EIF2AK4: variants seen among roughly 807,000 people sequenced by gnomAD.
EIF2AK4 encodes the protein eukaryotic translation initiation factor 2 alpha kinase 4.
EIF2AK4 carries 139 observed loss-of-function variants against 211.1 expected under a neutral mutation model. The ratio of observed to expected loss-of-function variants is 0.66; its 90% CI spans 0.57 to 0.76. The LOEUF (loss-of-function observed/expected upper bound fraction) is 0.76. EIF2AK4 is among the 30% of genes least tolerant of loss of function. EIF2AK4 has a pLI of 0.00. For missense variants in EIF2AK4, 1,664 were observed against 2,043.8 expected (o/e 0.81, Z 3.58); for synonymous variants, 710 against 751.3 (o/e 0.94, Z 0.90).
At position 40,001,119 on chromosome 15, in the gene EIF2AK4, G is replaced by A. The variant is rs769648944; in HGVS notation, c.3054G>A (p.Thr1018=). The A allele has an allele frequency of 3.1e-6, 5 of 1,613,986 alleles. No individual in the cohort carries two copies. The highest frequency in any genetic ancestry group is 2.2e-5 in the East Asian group (1 of 44,896). ...AGCTGCATGAAGTGCTGCACCACACGCTGACCAACGTGGATGGGAAGGCCT... is the reference window on the plus strand; with the variant it reads ...AGCTGCATGAAGTGCTGCACCACACACTGACCAACGTGGATGGGAAGGCCT... ...ESELHEVLHH[T]LTNVDGKAYR... The change falls in exon 21 of 39, where the codon ACG becomes ACA. Residue 1018 remains threonine (T), a synonymous_variant. Coordinates refer to ENST00000263791, the MANE Select transcript of EIF2AK4 (RefSeq NM_001013703.4).
chr15:40,006,376 C>T (rs1042119288), intron 23 of EIF2AK4, among the ~76,000 whole-genome samples: 1 of 152,098 alleles, frequency 6.6e-6, no homozygotes, highest in African/African-American at 2.4e-5. Context: ...TTCTTATTCT[C>T]TAAATATTAG....
rs2034318078 is a variant in EIF2AK4 at position 39,951,673 on chromosome 15, T to C, written c.514-2231T>C. The stretch of plus-strand genomic sequence containing the variant: ...GGCCTGAAATGATCGGTTTCTTCAC[T>C]CCTCCAGTAGAAGGTGCAGTCTTGC... On this transcript the variant is annotated intron_variant, in intron 4 of 38. Coordinates refer to ENST00000263791, the MANE Select transcript of EIF2AK4 (RefSeq NM_001013703.4). 1.4e-5 allele frequency: 3 copies of C among 210,806 alleles called. No individual in the cohort carries two copies. In the South Asian group the frequency reaches 2.0e-4, roughly 14 times the overall value. The allele number at this position is 210,806 out of a possible 1,614,324, so 13.1% of individuals were successfully genotyped here. A position where few individuals can be genotyped will look rare whatever the true frequency, so the allele number is the denominator to read the frequency against.
chr15:39,936,354 C>T (rs1268297260), intron 1 of EIF2AK4, among the ~76,000 whole-genome samples: 1 of 152,204 alleles, frequency 6.6e-6, no homozygotes, highest in Admixed American at 6.5e-5. Context: ...AGTCATTCAA[C>T]AAGCACTTAT....
chr15:39,956,135 A>G (rs2034389187), intron 6 of EIF2AK4, among the ~76,000 whole-genome samples: 1 of 151,164 alleles, frequency 6.6e-6, no homozygotes, highest in African/African-American at 2.4e-5. Flanking sequence ...CCTCCCAAGT[A>G]GCTGGGACTA....
intron 15 of EIF2AK4, 81 bp from the exon 16 acceptor site, chr15:39,990,192 A>T: frequency 7.4e-7 from 1 of 1,345,890 alleles, no homozygotes; most frequent in Non-Finnish European, 1.1e-6. Flanking sequence ...TTTCATCGCT[A>T]GGTTGGCCTT....
chr15:39,996,823 C>A, intron 18 of EIF2AK4, 141 bp from the exon 19 acceptor site: 2 of 589,450 alleles, frequency 3.4e-6, no homozygotes, highest in Non-Finnish European at 6.1e-6. Context: ...TTTTTAAGAA[C>A]AAATCTTCGC....
At chr15:39,978,254 A>G (rs958927868) in intron 13 of EIF2AK4, 107 bp downstream of exon 13, 12 of 510,206 alleles carry the variant, frequency 2.4e-5, no homozygotes, top group Middle Eastern at 5.5e-4. Flanking sequence ...ATTCAGATAT[A>G]GAAACCATAA....
At chr15:39,939,750 C>G (rs2034118650) in intron 2 of EIF2AK4, 133 bp downstream of exon 2, 2 of 610,666 alleles carry the variant, frequency 3.3e-6, no homozygotes, top group African/African-American at 1.9e-5. Flanking sequence ...TCTATTTCAA[C>G]AAAACTACAT....
In EIF2AK4 at chr15:39,976,760, G is replaced by T; in HGVS notation, c.2165G>T (p.Arg722Leu). The change falls in exon 12 of 39, where the codon CGT (arginine) becomes CTT (leucine). Residue 722 changes from arginine (R) to leucine (L), a missense_variant. Transcript: ENST00000263791. ...TCGGGCGAGCGCTCGGCCAGTGCCCGTTTCCCCGCCACCGGCCCGGGCTCC... is the reference window on the plus strand; with the variant it reads ...TCGGGCGAGCGCTCGGCCAGTGCCCTTTTCCCCGCCACCGGCCCGGGCTCC... ...STSGERSASARFPATGPGSSD... is the reference protein window; with the variant it reads ...STSGERSASALFPATGPGSSD... 1 of 1,596,692 alleles carries T rather than the reference G, an allele frequency of 6.3e-7. No individual in the cohort carries two copies.
At position 39,976,013 on chromosome 15, in the gene EIF2AK4, G is replaced by A. The variant is rs61490790; in HGVS notation, c.1819-401G>A. 6.8e-3 allele frequency among the ~76,000 whole-genome samples: 1,035 copies of A among 152,036 alleles called. 10 individuals are homozygous for A. The highest frequency in any genetic ancestry group is 0.023 in the African/African-American group (946 of 41,462). ...TAATTTGTTTTTAGTGACTTTAAGTGTAAAAAAAAATCAGAGAGAAACTAA... is the reference window on the plus strand; with the variant it reads ...TAATTTGTTTTTAGTGACTTTAAGTATAAAAAAAAATCAGAGAGAAACTAA... On this transcript the variant is annotated intron_variant, in intron 11 of 38. Coordinates refer to ENST00000263791, the MANE Select transcript of EIF2AK4 (RefSeq NM_001013703.4).
intron 37 of EIF2AK4, 86 bp from the exon 38 acceptor site, chr15:40,034,240 A>C (rs1182239938): frequency 1.0e-6 from 1 of 973,284 alleles, no homozygotes; most frequent in Non-Finnish European, 1.6e-6. Context: ...GAGGGAAATG[A>C]CACTGGAATT....
Position 40,008,032 on chromosome 15 carries a change from G to T in EIF2AK4, c.3413G>T (p.Cys1138Phe), listed in dbSNP as rs764288512. The T allele has an allele frequency of 8.2e-6, 13 of 1,591,374 alleles. No homozygotes were observed. The highest frequency in any genetic ancestry group is 1.1e-5 in the Non-Finnish European group (13 of 1,170,168). Reference protein sequence around the residue: ...RNNILNLKRYCIERVFRPRKL... With the variant: ...RNNILNLKRYFIERVFRPRKL... The stretch of plus-strand genomic sequence containing the variant: ...ATCTGGGTTTCTCTCTCCAGATACT[G>T]CATAGAACGTGTGTTCAGGCCGCGC... Residue 1138 changes from cysteine to phenylalanine, a missense_variant, in exon 25 of 39, where the codon TGC becomes TTC. Around this residue, in one of 7 missense-constraint regions of EIF2AK4, gnomAD observed 622 missense variants for 796.8 expected, o/e 0.78. Coordinates refer to ENST00000263791, the MANE Select transcript of EIF2AK4 (RefSeq NM_001013703.4).
chr15:39,960,477 A>G (rs576179581), intron 6 of EIF2AK4, among the ~76,000 whole-genome samples: 3 of 152,254 alleles, frequency 2.0e-5, no homozygotes, highest in Admixed American at 2.0e-4. Context: ...GCCCCTAACC[A>G]AAATTAAAGA....
rs745642616 is a variant in EIF2AK4 at position 40,034,361 on chromosome 15, G to A, written c.4809G>A (p.Val1603=). 5.6e-6 allele frequency: 9 copies of A among 1,613,942 alleles called. No homozygotes were observed. In the South Asian group the frequency reaches 9.9e-5, roughly 18 times the overall value. Reference sequence around the variant, plus strand: ...ATGAACAGGCATTTAACACAACTGTGAAGCAGCTGCTGTCACGCCTGCCAA... The same window carrying A: ...ATGAACAGGCATTTAACACAACTGTAAAGCAGCTGCTGTCACGCCTGCCAA... ...DADEQAFNTT[V]KQLLSRLPKQ... is the part of the protein sequence containing the mutation. The change falls in exon 38 of 39, where the codon GTG becomes GTA. Residue 1603 remains valine (V), a synonymous_variant. Coordinates refer to ENST00000263791, the MANE Select transcript of EIF2AK4 (RefSeq NM_001013703.4).
intron 38 of EIF2AK4, 85 bp downstream of exon 38, chr15:40,034,529 G>A (rs976311285): frequency 2.4e-5 from 26 of 1,082,306 alleles, no homozygotes; most frequent in Non-Finnish European, 3.5e-5. Context: ...TTGTTGTCTT[G>A]TTGAGGTTTG....
Position 39,967,672 on chromosome 15 carries a change from G to A in EIF2AK4, c.1346G>A (p.Arg449His), listed in dbSNP as rs768791515. Residue 449 changes from arginine to histidine, a missense_variant, in exon 9 of 39, where the codon CGC (arginine) becomes CAC (histidine). Arg to His is a conservative substitution (Grantham distance 29). This residue lies in a region of EIF2AK4 where 641 missense variants were observed against 729.6 expected (regional missense o/e 0.88). Coordinates refer to ENST00000263791, the MANE Select transcript of EIF2AK4 (RefSeq NM_001013703.4). ...VKITDYSISKRLADICKEDVF... is the reference protein window; with the variant it reads ...VKITDYSISKHLADICKEDVF... ...ATTACGGACTATAGCATTTCTAAGC[G>A]CCTCGCAGACATTTGCAAGGAGGAT... is the stretch of plus-strand genomic sequence containing the variant. The A allele has an allele frequency of 1.4e-5, 22 of 1,614,056 alleles. No individual in the cohort carries two copies. Among genetic ancestry groups the A allele is most frequent in the South Asian group, 6.6e-5 (6 of 91,084 alleles).
At chr15:39,975,472 C>T (rs1283370526) in intron 11 of EIF2AK4, 1 of 152,220 alleles carries the variant, frequency 6.6e-6, no homozygotes, top group Non-Finnish European at 1.5e-5. Flanking sequence ...ATTTCTCCTG[C>T]CACCCATGGC....
At chr15:39,934,364 G>A in intron 1 of EIF2AK4, 25 bp downstream of exon 1, 2 of 1,588,652 alleles carry the variant, frequency 1.3e-6, no homozygotes, top group Non-Finnish European at 1.7e-6. Flanking sequence ...TGTCAGGCCC[G>A]GGCTGGCGTG....
At chr15:39,934,516 C>T (rs2034034501) in intron 1 of EIF2AK4, among the ~76,000 whole-genome samples, 177 bp downstream of exon 1, 1 of 152,216 alleles carries the variant, frequency 6.6e-6, no homozygotes, top group East Asian at 1.9e-4. Flanking sequence ...TGCAGAATCC[C>T]ACCTAGGCCG....
Sources: gnomAD v4.1 joint callset for allele counts (sites outside exome capture counted in the v4.1 genomes callset) on GRCh38, gnomAD v4.1.1 for gene constraint, gnomAD v4.1.1 regional missense constraint, MANE v1.5 for transcripts, NCBI Gene and HGNC (gene_info 2026-07-23, HGNC 2026-07-21) for gene names.